The following BDP1 variants were observed in gnomAD, a reference collection of about 807,000 sequenced individuals.
BDP1 encodes the protein BDP1 general transcription factor IIIB subunit.
BDP1 carries 169 observed loss-of-function variants against 266.6 expected under a neutral mutation model. The ratio of observed to expected loss-of-function variants is 0.63; its 90% CI spans 0.56 to 0.72. The LOEUF is 0.72. Among genes scored for constraint, BDP1 ranks in the 30% least tolerant of loss-of-function variants. BDP1 has a pLI of 0.00. For missense variants in BDP1, 3,015 were observed against 3,053.8 expected (o/e 0.99, Z 0.30); for synonymous variants, 1,090 against 1,022.4 (o/e 1.07, Z -1.26).
chr5:71,497,853 A>G (rs1306138783), intron 13 of BDP1, among the ~76,000 whole-genome samples: 1 of 152,180 alleles, frequency 6.6e-6, no homozygotes, highest in African/African-American at 2.4e-5. Context: ...CAATGGCAGT[A>G]TTATGGCTCT....
intron 25 of BDP1, among the ~76,000 whole-genome samples, chr5:71,526,679 C>T (rs1411744127): frequency 7.0e-6 from 1 of 142,480 alleles, no homozygotes; most frequent in Non-Finnish European, 1.5e-5. Flanking sequence ...TACTATCTCT[C>T]TCTCTGTTTT....
intron 24 of BDP1, 80 bp downstream of exon 24, chr5:71,523,029 A>G (rs1765589100): frequency 3.9e-6 from 5 of 1,287,570 alleles, no homozygotes; most frequent in Middle Eastern, 2.1e-4. Flanking sequence ...TGGTAGAACA[A>G]AATTTTTGGG....
At chr5:71,482,062 GGT>G in intron 7 of BDP1, among the ~76,000 whole-genome samples, 1 of 152,284 alleles carries the variant, frequency 6.6e-6, no homozygotes, top group East Asian at 1.9e-4. Flanking sequence ...ATTGTCATAT[GGT>G]GTTTTATGAC....
At chr5:71,573,406 T>C in the BDP1 span, among the ~76,000 whole-genome samples, 9 of 152,154 alleles carry the variant, frequency 5.9e-5, no homozygotes, top group Non-Finnish European at 1.2e-4. Context: ...CCTTAGGACC[T>C]TGTGCTTTTC....
chr5:71,574,427 C>T, the BDP1 span, among the ~76,000 whole-genome samples: 5 of 152,184 alleles, frequency 3.3e-5, no homozygotes, highest in African/African-American at 1.2e-4. Context: ...CCAGTTCAGA[C>T]CACAACCCCA....
chr5:71,555,224 A>G (rs1411327902), intron 35 of BDP1, among the ~76,000 whole-genome samples: 2 of 152,210 alleles, frequency 1.3e-5, no homozygotes, highest in African/African-American at 2.4e-5. Context: ...GGTGTAAGGA[A>G]TAGGGCCAAG....
In BDP1 at chr5:71,539,182, A is replaced by G; in HGVS notation, c.5929+104A>G. On this transcript the variant is annotated intron_variant, in intron 27 of 38. Transcript: ENST00000358731. ...AATCAGTTTGCTGGAGAGTTTAACA[A>G]AAAGATTCAGCTATTGAATGTGTTG... is the stretch of plus-strand genomic sequence containing the variant. The G allele has an allele frequency of 5.2e-6, 4 of 776,412 alleles. No homozygotes were observed. The South Asian group carries it at 7.9e-5, about 15-fold the overall frequency. The allele number at this position is 776,412 out of a possible 1,614,324, so 48.1% of individuals were successfully genotyped here.
rs368885563 is a variant in BDP1 at position 71,512,272 on chromosome 5, A to G, written c.4091A>G (p.His1364Arg). The G allele has an allele frequency of 1.2e-5, 19 of 1,574,286 alleles. No homozygotes were observed. In the East Asian group the frequency reaches 3.6e-4, roughly 30 times the overall value. ...AGCAGTGAAGTACTGTCGATGATGCATACACCTGTAGAAGAAAAAAGAAAT... is the reference window on the plus strand; with the variant it reads ...AGCAGTGAAGTACTGTCGATGATGCGTACACCTGTAGAAGAAAAAAGAAAT... ...NISSEVLSMM[H>R]TPVEEKRNSE... Residue 1364 changes from histidine (H) to arginine (R), a missense_variant, in exon 18 of 39, where the codon CAT (histidine) becomes CGT (arginine). By Grantham distance (29) the His-to-Arg change is conservative (BLOSUM62 0). Coordinates refer to ENST00000358731, the MANE Select transcript of BDP1 (RefSeq NM_018429.3).
intron 25 of BDP1, among the ~76,000 whole-genome samples, chr5:71,529,187 C>T (rs563917469): frequency 2.6e-5 from 4 of 151,864 alleles, no homozygotes; most frequent in South Asian, 2.1e-4. Context: ...GTCAGGAGTT[C>T]GAGACCAGCC....
the BDP1 span, among the ~76,000 whole-genome samples, chr5:71,576,573 A>AC: frequency 5.9e-5 from 9 of 152,030 alleles, no homozygotes; most frequent in Admixed American, 2.6e-4. Context: ...AATAGTTCCT[A>AC]CCCCCCTCCA....
intron 5 of BDP1, 94 bp from the exon 6 acceptor site, chr5:71,467,260 C>A: frequency 9.8e-7 from 1 of 1,019,730 alleles, no homozygotes; most frequent in South Asian, 1.6e-5. Flanking sequence ...ATATGATTGC[C>A]ATGCTAAACC....
chr5:71,521,822 G>T (rs1320607620), intron 22 of BDP1, among the ~76,000 whole-genome samples: 1 of 152,152 alleles, frequency 6.6e-6, no homozygotes, highest in Non-Finnish European at 1.5e-5. Context: ...TAGGAGAATA[G>T]ACTCTACCCT....
intron 36 of BDP1, 56 bp downstream of exon 36, chr5:71,556,981 G>T: frequency 1.1e-6 from 1 of 911,522 alleles, no homozygotes; most frequent in Admixed American, 3.0e-5. Flanking sequence ...CTGATTATTT[G>T]GGATATACCT....
chr5:71,527,816 A>C (rs965191992), intron 25 of BDP1, among the ~76,000 whole-genome samples: 1 of 150,574 alleles, frequency 6.6e-6, no homozygotes, highest in Admixed American at 6.6e-5. Flanking sequence ...TAATTCTTTT[A>C]ATTCTTTTTT....
In BDP1 at chr5:71,490,965, A is replaced by G. The variant is rs1763551589; in HGVS notation, c.1493-19A>G. ...TTTTGCTGTCATTTTTTAGAATAAC[A>G]TGCATTTTGTATTTGTAGATAAATG... On this transcript the variant is annotated intron_variant, in intron 10 of 38. Coordinates refer to ENST00000358731, the MANE Select transcript of BDP1 (RefSeq NM_018429.3). 2.5e-6 allele frequency: 4 copies of G among 1,580,492 alleles called. No homozygotes were observed. Among genetic ancestry groups the G allele is most frequent in the Middle Eastern group, 3.4e-4 (2 of 5,928 alleles).
intron 13 of BDP1, among the ~76,000 whole-genome samples, chr5:71,498,687 G>A (rs1224630089): frequency 1.3e-5 from 2 of 149,308 alleles, no homozygotes; most frequent in Non-Finnish European, 3.0e-5. Context: ...GCCTCCCAAA[G>A]TGCTGGGATT....
intron 25 of BDP1, among the ~76,000 whole-genome samples, chr5:71,526,333 T>C (rs1484031237): frequency 6.6e-6 from 1 of 151,894 alleles, no homozygotes; most frequent in Non-Finnish European, 1.5e-5. Flanking sequence ...TTTTTTGATT[T>C]GGACCAGGCA....
intron 36 of BDP1, 39 bp from the exon 37 acceptor site, chr5:71,559,943 T>G (rs1012529087): frequency 6.2e-7 from 1 of 1,604,026 alleles, no homozygotes; most frequent in South Asian, 1.1e-5. Context: ...GTGTATTAAC[T>G]TCAGTATCCT....
chr5:71,473,752 A>C (rs1336135458), intron 7 of BDP1, among the ~76,000 whole-genome samples: 1 of 152,082 alleles, frequency 6.6e-6, no homozygotes, highest in Non-Finnish European at 1.5e-5. Context: ...ATATATGTAC[A>C]TGTGCCATGT....
Sources: gnomAD v4.1 joint callset for allele counts (sites outside exome capture counted in the v4.1 genomes callset) on GRCh38, gnomAD v4.1.1 for gene constraint, MANE v1.5 for transcripts, NCBI Gene and HGNC (gene_info 2026-07-23, HGNC 2026-07-21) for gene names.